The following XPO5 variants were observed in gnomAD, a reference collection of about 807,000 sequenced individuals.
XPO5 encodes exportin 5.
Under a neutral mutation model 160.6 loss-of-function variants are expected in XPO5, and 46 were observed. That is an observed-to-expected ratio of 0.29 (90% CI 0.23 to 0.37). The LOEUF (loss-of-function observed/expected upper bound fraction) is 0.37. Among genes scored for constraint, XPO5 ranks in the 10% least tolerant of loss-of-function variants. The pLI, the probability that XPO5 is intolerant of heterozygous loss-of-function variation, is 1.00. For missense variants in XPO5, 1,090 were observed against 1,463.9 expected (o/e 0.74, Z 4.17); for synonymous variants, 537 against 519.3 (o/e 1.03, Z -0.46).
chr6:43,554,003 T>TA (rs1422366128), intron 13 of XPO5, among the ~76,000 whole-genome samples: 7 of 152,224 alleles, frequency 4.6e-5, no homozygotes, highest in Non-Finnish European at 8.8e-5. Context: ...ATGACAGCCT[T>TA]AAGGGCTATG....
intron 20 of XPO5, chr6:43,539,382 T>G: frequency 6.3e-7 from 1 of 1,578,744 alleles, no homozygotes; most frequent in South Asian, 1.1e-5. Context: ...GGCATAATCT[T>G]CAAAACCTCA....
chr6:43,556,002 A>C (rs112132990), intron 12 of XPO5, 38 bp from the exon 13 acceptor site: 1 of 1,610,168 alleles, frequency 6.2e-7, no homozygotes, highest in Non-Finnish European at 8.5e-7. Flanking sequence ...ACAGGAATCA[A>C]TAACTGGTAT....
chr6:43,542,512 C>T (rs148404554), intron 20 of XPO5, among the ~76,000 whole-genome samples: 345 of 152,160 alleles, frequency 2.3e-3, no homozygotes, highest in East Asian at 0.013. Flanking sequence ...CAAGTTCAAG[C>T]GATTCTCCTA....
chr6:43,548,231 GT>G, intron 18 of XPO5, 29 bp downstream of exon 18: 2 of 1,551,594 alleles, frequency 1.3e-6, no homozygotes, highest in Non-Finnish European at 1.7e-6. Context: ...CTTGAGTATA[GT>G]AAGAGTCAGG....
Position 43,530,819 on chromosome 6 carries a change from T to C in XPO5, c.2546A>G (p.His849Arg). The C allele has an allele frequency of 1.2e-6, 2 of 1,611,634 alleles. No homozygotes were observed. Among genetic ancestry groups the C allele is most frequent in the Non-Finnish European group, 1.7e-6 (2 of 1,179,066 alleles). ...GGAAGGGCCTGCCTTCCCTAGGATA[T>C]GAAAACTGTAAAGGGGAAAAAAAGA... is the stretch of plus-strand genomic sequence containing the variant. ...FFSTLYENCF[H>R]ILGKAGPSMQ... The change falls in exon 23 of 32, where the codon CAT becomes CGT. Residue 849 changes from histidine (H) to arginine (R), a missense_variant. His to Arg is a conservative substitution (Grantham distance 29). Coordinates refer to ENST00000265351, the MANE Select transcript of XPO5 (RefSeq NM_020750.3).
At position 43,570,871 on chromosome 6, in the gene XPO5, G is replaced by C; in HGVS notation, c.424C>G (p.Leu142Val). ...GTGTTTCATACCCCTTGTTTGGAAA[G>C]AGTGTCCAATTCTATTAGCATGTCA... ...WPDMLIELDT[L>V]SKQGETQTEL... Residue 142 changes from leucine to valine, a missense_variant, in exon 4 of 32, where the codon CTT becomes GTT. Coordinates refer to ENST00000265351, the MANE Select transcript of XPO5 (RefSeq NM_020750.3). The C allele has an allele frequency of 1.2e-6, 2 of 1,611,212 alleles. No homozygotes were observed. Among genetic ancestry groups the C allele is most frequent in the Non-Finnish European group, 1.7e-6 (2 of 1,179,144 alleles).
intron 7 of XPO5, chr6:43,566,620 C>A: frequency 4.7e-6 from 2 of 421,774 alleles, no homozygotes; most frequent in Non-Finnish European, 9.7e-6. Flanking sequence ...AAGAGCCTGG[C>A]TAACATGGCA....
intron 9 of XPO5, 120 bp from the exon 10 acceptor site, chr6:43,561,127 TG>T: frequency 1.2e-6 from 1 of 812,102 alleles, no homozygotes. Flanking sequence ...AAAAGGACTT[TG>T]TATTTCCTTT....
intron 9 of XPO5, 64 bp downstream of exon 9, chr6:43,562,183 A>T (rs58633664): frequency 1.5e-6 from 2 of 1,363,270 alleles, no homozygotes; most frequent in African/African-American, 2.9e-5. Flanking sequence ...TCATTGAAAC[A>T]TAAGTTTCTA....
intron 17 of XPO5, among the ~76,000 whole-genome samples, chr6:43,549,015 C>T (rs1368980759): frequency 1.3e-5 from 2 of 152,170 alleles, no homozygotes; most frequent in Admixed American, 6.6e-5. Flanking sequence ...TTTGCCATCA[C>T]ATTTCTAACT....
intron 27 of XPO5, 130 bp from the exon 28 acceptor site, chr6:43,526,051 G>A: frequency 1.1e-6 from 1 of 933,682 alleles, no homozygotes; most frequent in Non-Finnish European, 1.6e-6. Flanking sequence ...GTAGTACTAG[G>A]AGCCCTCCCA....
At chr6:43,524,104 A>G in intron 31 of XPO5, 99 bp from the exon 32 acceptor site, 1 of 1,501,858 alleles carries the variant, frequency 6.7e-7, no homozygotes, top group South Asian at 1.3e-5. Context: ...TAATCCCAAC[A>G]CTTTTGGGAG....
chr6:43,559,618 G>A (rs1164673419), intron 11 of XPO5, among the ~76,000 whole-genome samples: 1 of 152,126 alleles, frequency 6.6e-6, no homozygotes, highest in Non-Finnish European at 1.5e-5. Flanking sequence ...TTTAACCCCT[G>A]AATAGCAATT....
intron 13 of XPO5, chr6:43,553,823 T>G: frequency 5.1e-6 from 1 of 197,576 alleles, no homozygotes; most frequent in Non-Finnish European, 9.9e-6. Flanking sequence ...ATCAAAAACA[T>G]TGCCTGGCCC....
At chr6:43,556,052 G>T in intron 12 of XPO5, 88 bp from the exon 13 acceptor site, 1 of 1,528,462 alleles carries the variant, frequency 6.5e-7, no homozygotes, top group South Asian at 1.2e-5. Context: ...CCACCCTAGG[G>T]GAAAAGCATT....
Position 43,548,286 on chromosome 6 carries a change from T to G in XPO5, c.2035A>C (p.Ile679Leu), listed in dbSNP as rs1290780595. Residue 679 changes from isoleucine (I) to leucine (L), a missense_variant, in exon 18 of 32, where the codon ATC becomes CTC. By Grantham distance (5) the Ile-to-Leu change is conservative. Around this residue, in one of 3 missense-constraint regions of XPO5, gnomAD observed 810 missense variants for 1,139.0 expected, o/e 0.71. Coordinates refer to ENST00000265351, the MANE Select transcript of XPO5 (RefSeq NM_020750.3). The stretch of plus-strand genomic sequence containing the variant: ...CTGTGCATGTCTTGAGAAAGCCAGA[T>G]GCTGGCCACTGGTGCCATCAGCTCC... The part of the protein sequence containing the change: ...LEELMAPVAS[I>L]WLSQDMHRVL... 1 of 1,611,454 alleles carries G rather than the reference T, an allele frequency of 6.2e-7. No individual in the cohort carries two copies. The highest frequency in any genetic ancestry group is 1.3e-5 in the African/African-American group (1 of 74,972).
chr6:43,552,339 A>G (rs772802134), intron 14 of XPO5, among the ~76,000 whole-genome samples: 9 of 151,514 alleles, frequency 5.9e-5, no homozygotes, highest in Non-Finnish European at 8.8e-5. Context: ...TACAGGCCTG[A>G]GCCACTGCGC....
rs1398808180 is a variant in XPO5 at position 43,547,722 on chromosome 6, G to A, written c.2061-15C>T. 2 of 1,610,672 alleles carry A rather than the reference G, an allele frequency of 1.2e-6. No individual in the cohort carries two copies. The highest frequency in any genetic ancestry group is 1.7e-6 in the Non-Finnish European group (2 of 1,177,158). ...CTGACAGCACTCTGAAGGTTGGAGG[G>A]GGAAAAACAAGTTACATCATGACTT... On this transcript the variant is annotated splice_polypyrimidine_tract_variant and intron_variant, in intron 18 of 31. Transcript: ENST00000265351.
In XPO5 at chr6:43,524,983, G is replaced by A; in HGVS notation, c.3175-15C>T. 1 of 1,611,534 alleles carries A rather than the reference G, an allele frequency of 6.2e-7. No homozygotes were observed. Among genetic ancestry groups the A allele is most frequent in the Non-Finnish European group, 8.5e-7 (1 of 1,179,210 alleles). The stretch of plus-strand genomic sequence containing the variant: ...CCTGACAGCACCTGGGGAGACAACT[G>A]TGCTTTAGGGCCACAGGGGGCCTCT... On this transcript the variant is annotated splice_polypyrimidine_tract_variant and intron_variant, in intron 29 of 31. Coordinates refer to ENST00000265351, the MANE Select transcript of XPO5 (RefSeq NM_020750.3).
Sources: allele counts gnomAD v4.1 joint callset (sites outside exome capture counted in the v4.1 genomes callset), GRCh38; gene constraint gnomAD v4.1.1; regional missense constraint gnomAD v4.1.1; transcripts MANE v1.5; gene names NCBI Gene and HGNC (gene_info 2026-07-23, HGNC 2026-07-21).